Variants in USP37 observed in about 807,000 individuals in gnomAD.
USP37 encodes the protein ubiquitin specific peptidase 37, also known as ubiquitin carboxyl-terminal hydrolase 37.
A neutral mutation model predicts 124.0 loss-of-function variants in USP37; 27 were observed. The observed-to-expected ratio is 0.22, with a 90% confidence interval of 0.16 to 0.30. The LOEUF is 0.30. Among genes scored for constraint, USP37 ranks in the 10% least tolerant of loss-of-function variants. USP37 has a pLI of 1.00. For synonymous variants in USP37, 365 were observed against 388.0 expected (o/e 0.94, Z 0.70); for missense variants, 889 against 1,140.4 (o/e 0.78, Z 3.17).
chr2:218,508,282 T>C (rs542049226), intron 11 of USP37, among the ~76,000 whole-genome samples: 1 of 152,082 alleles, frequency 6.6e-6, no homozygotes, highest in East Asian at 1.9e-4. Flanking sequence ...TTTTTCTTTT[T>C]TTTTTTTAAA....
chr2:218,496,084 A>G, intron 13 of USP37, 134 bp from the exon 14 acceptor site: 1 of 793,046 alleles, frequency 1.3e-6, no homozygotes, highest in Non-Finnish European at 1.9e-6. Context: ...ACTTGAGGTC[A>G]GGAGTTCGAG....
chr2:218,535,263 C>T (rs1405316084), intron 8 of USP37, among the ~76,000 whole-genome samples: 2 of 151,368 alleles, frequency 1.3e-5, no homozygotes, highest in African/African-American at 4.9e-5. Context: ...ACTCGGGAGG[C>T]TGTGAGGCAG....
At chr2:218,545,860 A>C (rs1364126787) in intron 8 of USP37, among the ~76,000 whole-genome samples, 1 of 151,756 alleles carries the variant, frequency 6.6e-6, no homozygotes, top group Non-Finnish European at 1.5e-5. Context: ...GAGTAAAATG[A>C]AAAAGTAAAA....
At chr2:218,497,968 T>C in intron 12 of USP37, 58 bp downstream of exon 12, 1 of 1,568,378 alleles carries the variant, frequency 6.4e-7, no homozygotes, top group Admixed American at 1.9e-5. Context: ...TAAAATTCCA[T>C]TATTCTATAA....
intron 8 of USP37, among the ~76,000 whole-genome samples, chr2:218,541,437 G>A (rs1264237901): frequency 1.3e-5 from 2 of 152,126 alleles, no homozygotes; most frequent in Non-Finnish European, 2.9e-5. Context: ...ATGCTCTCAT[G>A]CTCAGTGATA....
intron 23 of USP37, among the ~76,000 whole-genome samples, chr2:218,458,146 A>T (rs1487609961): frequency 6.7e-6 from 1 of 150,264 alleles, no homozygotes; most frequent in Non-Finnish European, 1.5e-5. Flanking sequence ...TCGATTTAGT[A>T]ATTTACTTCT....
intron 8 of USP37, among the ~76,000 whole-genome samples, chr2:218,541,489 C>A (rs2106037222): frequency 6.6e-6 from 1 of 152,222 alleles, no homozygotes. Context: ...TCACAACAAC[C>A]ACAGTCTGAC....
chr2:218,518,869 G>T lies in USP37; in HGVS notation c.864-8729C>A, dbSNP rs1381031712. ...TGTGATGATGCTGCATTTCTAGATA[G>T]TAAATAGTGCCACACTATGTCTCCG... On this transcript the variant is annotated intron_variant, in intron 10 of 25. Transcript: ENST00000258399. 2.0e-5 allele frequency among the ~76,000 whole-genome samples: 3 copies of T among 152,028 alleles called. No homozygotes were observed. In the East Asian group the frequency reaches 5.8e-4, roughly 29 times the overall value.
At chr2:218,469,814 C>CTTTTTTTTTTTTTTTT (rs71064451) in intron 20 of USP37, among the ~76,000 whole-genome samples, 2 of 64,646 alleles carry the variant, frequency 3.1e-5, no homozygotes, top group Non-Finnish European at 2.8e-5. Context: ...ACTCAACATT[C>CTTTTTTTTTTTTTTTT]TTTTTTTTTT....
intron 21 of USP37, among the ~76,000 whole-genome samples, chr2:218,464,453 G>A (rs998287640): frequency 6.6e-6 from 1 of 151,838 alleles, no homozygotes; most frequent in East Asian, 2.0e-4. Context: ...GGCCAGGCTG[G>A]TCTAGAACTC....
At chr2:218,530,227 TG>T (rs765537883) in intron 9 of USP37, among the ~76,000 whole-genome samples, 187 bp from the exon 10 acceptor site, 20 of 152,226 alleles carry the variant, frequency 1.3e-4, no homozygotes, top group Non-Finnish European at 2.6e-4. Flanking sequence ...TTTTTTTGTA[TG>T]TTTTTTTTTA....
chr2:218,454,905 T>G lies in USP37; in HGVS notation c.*25A>C, dbSNP rs200160968. ...GCAGCAGTAACAAATATGCAGTGCA[T>G]GCTGCCAACCCAGGAGTTTGTTCCT... On this transcript the variant is annotated 3_prime_UTR_variant, in exon 26 of 26. Transcript: ENST00000258399. The G allele has an allele frequency of 1.2e-5, 19 of 1,612,078 alleles. No individual in the cohort carries two copies. In the African/African-American group the frequency reaches 2.5e-4, roughly 22 times the overall value.
chr2:218,537,119 T>C (rs1691695833), intron 8 of USP37, among the ~76,000 whole-genome samples: 1 of 152,346 alleles, frequency 6.6e-6, no homozygotes, highest in African/African-American at 2.4e-5. Flanking sequence ...ACATGGTATG[T>C]AAATTGTAGC....
intron 4 of USP37, among the ~76,000 whole-genome samples, chr2:218,555,525 A>T (rs1692919629): frequency 6.6e-6 from 1 of 152,210 alleles, no homozygotes. Context: ...AAAATAGATA[A>T]CATTAAACGC....
intron 4 of USP37, among the ~76,000 whole-genome samples, chr2:218,557,459 CTTAT>C (rs1401194446): frequency 1.3e-5 from 2 of 151,856 alleles, no homozygotes; most frequent in East Asian, 2.0e-4. Flanking sequence ...CCACCTCTAT[CTTAT>C]TTAAGACTAC....
chr2:218,537,849 C>A (rs980072240), intron 8 of USP37, among the ~76,000 whole-genome samples: 2 of 152,134 alleles, frequency 1.3e-5, no homozygotes, highest in Non-Finnish European at 2.9e-5. Flanking sequence ...AAAATTATAC[C>A]TCATCTGTAA....
intron 10 of USP37, among the ~76,000 whole-genome samples, chr2:218,513,264 C>T (rs1690098302): frequency 6.6e-6 from 1 of 152,118 alleles, no homozygotes; most frequent in Admixed American, 6.6e-5. Context: ...TTTCTGGGCT[C>T]AAGTGATACT....
At chr2:218,470,227 CCA>C (rs780441750) in intron 20 of USP37, among the ~76,000 whole-genome samples, 7 of 152,132 alleles carry the variant, frequency 4.6e-5, no homozygotes, top group Admixed American at 1.3e-4. Context: ...AGATAATTTT[CCA>C]CAGTTTCTTT....
At chr2:218,479,885 G>A (rs939252547) in intron 17 of USP37, among the ~76,000 whole-genome samples, 170 bp from the exon 18 acceptor site, 2 of 151,924 alleles carry the variant, frequency 1.3e-5, no homozygotes, top group African/African-American at 4.8e-5. Context: ...AGTGGTTCAC[G>A]CCTGTAATCC....
Sources: gnomAD v4.1 joint callset for allele counts (sites outside exome capture counted in the v4.1 genomes callset) on GRCh38, gnomAD v4.1.1 for gene constraint, MANE v1.5 for transcripts, NCBI Gene and HGNC (gene_info 2026-07-23, HGNC 2026-07-21) for gene names.